The following CFAP161 variants were observed in gnomAD, a reference collection of about 807,000 sequenced individuals.
The protein encoded by CFAP161 is cilia- and flagella-associated protein 161.
Under a neutral mutation model 29.0 loss-of-function variants are expected in CFAP161, and 25 were observed. That is an observed-to-expected ratio of 0.86 (90% CI 0.63 to 1.20). The LOEUF is 1.20. Ranked by LOEUF, CFAP161 falls within the 50% of genes most tolerant of loss-of-function variation. CFAP161 has a pLI of 0.00. For synonymous variants in CFAP161, 116 were observed against 137.4 expected (o/e 0.84, Z 1.09); for missense variants, 367 against 371.9 (o/e 0.99, Z 0.11).
At chr15:81,118,187 C>T in intron 1 of CFAP161, 1 of 469,562 alleles carries the variant, frequency 2.1e-6, no homozygotes, top group Middle Eastern at 3.1e-4. Context: ...TCACTGAGTA[C>T]AAATTTTTTC....
At chr15:81,133,200 TATATATATATATATATATATATATG>T (rs1233855933), upstream of CFAP161, among the ~76,000 whole-genome samples, 18 of 76,478 alleles carry the variant, frequency 2.4e-4, no homozygotes, top group Admixed American at 1.9e-3. Flanking sequence ...TATATATATA[TATATATATATATATATATATATATG>T]TATTTTTTTT....
chr15:81,109,397 A>G (rs1894413407), intron 1 of CFAP161, among the ~76,000 whole-genome samples: 1 of 152,184 alleles, frequency 6.6e-6, no homozygotes, highest in Non-Finnish European at 1.5e-5. Flanking sequence ...TAAAAGTTCC[A>G]TTGAAAGCTG....
intron 2 of CFAP161, 21 bp from the exon 3 acceptor site, chr15:81,136,495 A>G (rs759127027): frequency 8.7e-6 from 14 of 1,607,104 alleles, no homozygotes; most frequent in Middle Eastern, 1.7e-4. Context: ...TTTATGTAAT[A>G]AACTACTATC....
rs559322954 is a variant in CFAP161, at chr15:81,144,406, G to A, written c.636+586G>A. On this transcript the variant is annotated intron_variant, in intron 5 of 6. Coordinates refer to ENST00000286732, the MANE Select transcript of CFAP161 (RefSeq NM_173528.4). ...GGCCAGGAGTTCAAGACCAGCCTGG[G>A]CAACATGGCAAAACCCCTGTCTCTA... is the stretch of plus-strand genomic sequence containing the variant. 2.5e-3 allele frequency among the ~76,000 whole-genome samples: 378 copies of A among 152,256 alleles called. 1 individual carries two copies. The highest frequency in any genetic ancestry group is 6.8e-3 in the Middle Eastern group (2 of 294).
intron 5 of CFAP161, among the ~76,000 whole-genome samples, chr15:81,145,293 G>A (rs1239102243): frequency 6.6e-6 from 1 of 152,188 alleles, no homozygotes; most frequent in East Asian, 1.9e-4. Flanking sequence ...CTCTTTAGAT[G>A]TCCTTTGCTA....
upstream of CFAP161, among the ~76,000 whole-genome samples, chr15:81,130,409 C>G (rs1894695177): frequency 6.6e-6 from 1 of 152,180 alleles, no homozygotes; most frequent in African/African-American, 2.4e-5. Flanking sequence ...TCATATCTAG[C>G]TTTTTATTTA....
At chr15:81,114,690 G>A (rs963069132) in intron 1 of CFAP161, among the ~76,000 whole-genome samples, 1 of 152,184 alleles carries the variant, frequency 6.6e-6, no homozygotes, top group Non-Finnish European at 1.5e-5. Context: ...TTAAGACGGA[G>A]TCTCGCTCTG....
intron 1 of CFAP161, among the ~76,000 whole-genome samples, chr15:81,118,834 G>A (rs1567152912): frequency 6.6e-6 from 1 of 151,926 alleles, no homozygotes; most frequent in African/African-American, 2.4e-5. Flanking sequence ...GAAGAATCAG[G>A]TAGGGAGAAG....
At chr15:81,141,451 G>T (rs1894906905) in intron 4 of CFAP161, among the ~76,000 whole-genome samples, 1 of 152,108 alleles carries the variant, frequency 6.6e-6, no homozygotes, top group Middle Eastern at 3.4e-3. Context: ...TTTTTCAGTT[G>T]ATTTTTTTAT....
intron 1 of CFAP161, among the ~76,000 whole-genome samples, chr15:81,101,889 A>G (rs1414539308): frequency 3.3e-5 from 5 of 152,078 alleles, no homozygotes; most frequent in Non-Finnish European, 7.3e-5. Context: ...GTTGTCTGAC[A>G]TTCTCCAGGA....
At chr15:81,131,136 T>TAAAA (rs34706078), upstream of CFAP161, among the ~76,000 whole-genome samples, 1 of 130,910 alleles carries the variant, frequency 7.6e-6, no homozygotes, top group Non-Finnish European at 1.6e-5. Flanking sequence ...CTTCAATTTG[T>TAAAA]AAAAAAAAAA....
At chr15:81,118,839 G>C (rs894746028) in intron 1 of CFAP161, among the ~76,000 whole-genome samples, 1 of 151,444 alleles carries the variant, frequency 6.6e-6, no homozygotes, top group African/African-American at 2.4e-5. Flanking sequence ...ATCAGGTAGG[G>C]AGAAGAAGCA....
At chr15:81,111,414 C>T (rs1322465590) in intron 1 of CFAP161, among the ~76,000 whole-genome samples, 1 of 152,214 alleles carries the variant, frequency 6.6e-6, no homozygotes, top group Non-Finnish European at 1.5e-5. Flanking sequence ...ATCCCCGCTG[C>T]CACTGCTTAA....
At chr15:81,114,213 A>C (rs1487561640) in intron 1 of CFAP161, among the ~76,000 whole-genome samples, 1 of 152,246 alleles carries the variant, frequency 6.6e-6, no homozygotes, top group Non-Finnish European at 1.5e-5. Flanking sequence ...TATTGCATTA[A>C]AGTGAGTCAC....
intron 1 of CFAP161, among the ~76,000 whole-genome samples, chr15:81,126,095 C>G (rs1381734644): frequency 6.6e-6 from 1 of 152,192 alleles, no homozygotes; most frequent in Non-Finnish European, 1.5e-5. Flanking sequence ...TCTCAAACTC[C>G]TGACCTCAGG....
At chr15:81,116,645 C>A (rs1260303867) in intron 1 of CFAP161, among the ~76,000 whole-genome samples, 1 of 152,162 alleles carries the variant, frequency 6.6e-6, no homozygotes, top group African/African-American at 2.4e-5. Flanking sequence ...GGTGTGAAAA[C>A]ATCAACTTTT....
In CFAP161 at chr15:81,135,275, C is replaced by T. The variant is rs1230539864; in HGVS notation, c.75C>T (p.Leu25=). 1 of 1,589,130 alleles carries T rather than the reference C, an allele frequency of 6.3e-7. No homozygotes were observed. Among genetic ancestry groups the T allele is most frequent in the Non-Finnish European group, 8.5e-7 (1 of 1,170,588 alleles). The change falls in exon 2 of 7, where the codon CTC becomes CTT. Residue 25 remains leucine, a synonymous_variant. Coordinates refer to ENST00000286732, the MANE Select transcript of CFAP161 (RefSeq NM_173528.4). ...TTTGTTGATTTTCTGTTTAGGAGCT[C>T]ATGAAAGACTTCTTAGAGAAGAGAG... The part of the protein sequence containing the change: ...WNEDVYLEEE[L]MKDFLEKRDK...
intron 2 of CFAP161, among the ~76,000 whole-genome samples, chr15:81,135,579 A>G (rs1454151037): frequency 1.5e-5 from 2 of 131,288 alleles, no homozygotes; most frequent in South Asian, 4.8e-4. Context: ...TGTGTTCTCC[A>G]TTGTTCAATT....
chr15:81,134,177 A>G, upstream of CFAP161: 3 of 841,156 alleles, frequency 3.6e-6, no homozygotes, highest in Admixed American at 2.8e-5. Flanking sequence ...CAGACGCCCC[A>G]TCTCCCGCCC....
Sources: gnomAD v4.1 joint callset for allele counts (sites outside exome capture counted in the v4.1 genomes callset) on GRCh38, gnomAD v4.1.1 for gene constraint, MANE v1.5 for transcripts, NCBI Gene and HGNC (gene_info 2026-07-23, HGNC 2026-07-21) for gene names.